KCNH7: variants seen among roughly 807,000 people sequenced by gnomAD.
The protein encoded by KCNH7 is potassium voltage-gated channel subfamily H member 7.
Under a neutral mutation model 120.8 loss-of-function variants are expected in KCNH7, and 49 were observed. The observed-to-expected ratio is 0.41, with a 90% CI of 0.32 to 0.51. KCNH7 has a LOEUF of 0.51. KCNH7 is among the 20% of genes least tolerant of loss of function. The pLI, the probability that KCNH7 is intolerant of heterozygous loss-of-function variation, is 0.38. For missense variants in KCNH7, 1,097 were observed against 1,446.6 expected, an observed-to-expected ratio of 0.76 and a Z score of 3.92; for synonymous variants, 547 against 516.1, an observed-to-expected ratio of 1.06 and a Z score of -0.81.
intron 2 of KCNH7, among the ~76,000 whole-genome samples, chr2:162,752,560 C>T (rs1401618408): frequency 6.6e-6 from 1 of 151,924 alleles, no homozygotes; most frequent in Admixed American, 6.6e-5. Flanking sequence ...GCTTGAAAGC[C>T]TTCACCAGAA....
At chr2:162,738,981 T>C (rs1302418259) in intron 2 of KCNH7, among the ~76,000 whole-genome samples, 1 of 152,132 alleles carries the variant, frequency 6.6e-6, no homozygotes, top group Non-Finnish European at 1.5e-5. Context: ...GGATCCCCAC[T>C]CTGACACACC....
intron 2 of KCNH7, among the ~76,000 whole-genome samples, chr2:162,816,853 AT>A (rs749276255): frequency 6.6e-6 from 1 of 152,108 alleles, no homozygotes. Context: ...AATGTTGAAA[AT>A]TTTTTTTAAA....
intron 7 of KCNH7, among the ~76,000 whole-genome samples, chr2:162,442,400 T>C (rs1688452559): frequency 6.6e-6 from 1 of 152,112 alleles, no homozygotes; most frequent in Non-Finnish European, 1.5e-5. Flanking sequence ...GTTACATAGA[T>C]TACATAATAT....
At chr2:162,622,783 G>C (rs1339880237) in intron 2 of KCNH7, among the ~76,000 whole-genome samples, 1 of 152,090 alleles carries the variant, frequency 6.6e-6, no homozygotes, top group Non-Finnish European at 1.5e-5. Flanking sequence ...AATGTCCGAA[G>C]AATAAAAAAC....
intron 3 of KCNH7, among the ~76,000 whole-genome samples, chr2:162,526,151 G>A (rs557605464): frequency 6.6e-6 from 1 of 151,872 alleles, no homozygotes; most frequent in African/African-American, 2.4e-5. Flanking sequence ...AAACCAGCAA[G>A]TTTTTATTAG....
chr2:162,561,463 G>A (rs755268407), intron 2 of KCNH7, among the ~76,000 whole-genome samples: 5 of 152,102 alleles, frequency 3.3e-5, no homozygotes, highest in African/African-American at 9.7e-5. Flanking sequence ...TTGAGGAATC[G>A]CCACACTGTC....
chr2:162,687,130 T>C (rs1685920900), intron 2 of KCNH7, among the ~76,000 whole-genome samples: 3 of 152,054 alleles, frequency 2.0e-5, no homozygotes, highest in African/African-American at 7.2e-5. Context: ...GCCTTGACAT[T>C]GATTTTGCTT....
rs559518155 is a variant in KCNH7 at position 162,687,007 on chromosome 2, C to G, written c.307+149530G>C. Among the ~76,000 whole-genome samples the G allele has an allele frequency of 7.9e-4, 121 of 152,226 alleles. 1 individual carries two copies. The highest frequency in any genetic ancestry group is 3.4e-3 in the Middle Eastern group (1 of 294). On this transcript the variant is annotated intron_variant, in intron 2 of 15. Coordinates refer to ENST00000332142, the MANE Select transcript of KCNH7 (RefSeq NM_033272.4). ...GCTAACAGTCCCCAGGATTCCCTCT[C>G]TAGATTTGTAAAGGGCATCATAAGC...
At chr2:162,688,274 C>T (rs148032366) in intron 2 of KCNH7, among the ~76,000 whole-genome samples, 46 of 152,230 alleles carry the variant, frequency 3.0e-4, no homozygotes, top group Non-Finnish European at 4.4e-5. Context: ...ATATTTATTC[C>T]TGAACATATG....
intron 6 of KCNH7, among the ~76,000 whole-genome samples, chr2:162,469,755 G>C (rs150940620): frequency 6.7e-6 from 1 of 148,680 alleles, no homozygotes. Context: ...CTCTGATGCC[G>C]AGCTGAAGCT....
At chr2:162,639,872 A>G (rs1684087980) in intron 2 of KCNH7, among the ~76,000 whole-genome samples, 1 of 152,130 alleles carries the variant, frequency 6.6e-6, no homozygotes, top group Non-Finnish European at 1.5e-5. Flanking sequence ...TGAGTTCAGT[A>G]AGGGCACAGG....
intron 2 of KCNH7, among the ~76,000 whole-genome samples, chr2:162,798,895 T>C (rs910879786): frequency 2.0e-5 from 3 of 151,932 alleles, no homozygotes; most frequent in Admixed American, 2.0e-4. Flanking sequence ...ATAAGGGAGA[T>C]AGACAATAAA....
At chr2:162,600,737 A>G (rs1694524348) in intron 2 of KCNH7, among the ~76,000 whole-genome samples, 1 of 152,152 alleles carries the variant, frequency 6.6e-6, no homozygotes, top group South Asian at 2.1e-4. Context: ...TTTCAGGGTT[A>G]CAGGCTGTGT....
intron 2 of KCNH7, among the ~76,000 whole-genome samples, chr2:162,808,757 A>G (rs1478554883): frequency 6.6e-6 from 1 of 151,744 alleles, no homozygotes; most frequent in Non-Finnish European, 1.5e-5. Context: ...ACATATAATA[A>G]AAGAATACTA....
chr2:162,545,583 A>G (rs924672699), intron 2 of KCNH7, among the ~76,000 whole-genome samples: 1 of 152,176 alleles, frequency 6.6e-6, no homozygotes, highest in Non-Finnish European at 1.5e-5. Context: ...AGATCTCAGG[A>G]ATCTAGTTAA....
intron 6 of KCNH7, among the ~76,000 whole-genome samples, chr2:162,494,629 ATTTC>A (rs1690433503): frequency 6.6e-6 from 1 of 152,140 alleles, no homozygotes; most frequent in South Asian, 2.1e-4. Flanking sequence ...AAATAACCAA[ATTTC>A]TTTGTCAATC....
chr2:162,371,438 A>G lies in KCNH7; in HGVS notation c.*391T>C, dbSNP rs973083594. On this transcript the variant is annotated 3_prime_UTR_variant, in exon 16 of 16. Coordinates refer to ENST00000332142, the MANE Select transcript of KCNH7 (RefSeq NM_033272.4). ...TGAGGATCATCTGAATTTGAGTTGC[A>G]TCCATGAACAGTTTTATCCCTTGGT... 7.8e-7 allele frequency: 1 copy of G among 1,287,594 alleles called. No homozygotes were observed. Among genetic ancestry groups the G allele is most frequent in the African/African-American group, 1.5e-5 (1 of 65,674 alleles). 79.8% of individuals were successfully genotyped at this position (1,287,594 alleles called of 1,614,324 possible). A position where few individuals can be genotyped will look rare whatever the true frequency, so the allele number is the denominator to read the frequency against.
intron 2 of KCNH7, among the ~76,000 whole-genome samples, chr2:162,573,470 C>G (rs761291497): frequency 1.3e-5 from 2 of 151,938 alleles, no homozygotes; most frequent in African/African-American, 2.4e-5. Context: ...AAGATTTAAG[C>G]TGACATACCT....
rs137918278 is a variant in KCNH7, at chr2:162,763,266, T to G, written c.307+73271A>C. On this transcript the variant is annotated intron_variant, in intron 2 of 15. Coordinates refer to ENST00000332142, the MANE Select transcript of KCNH7 (RefSeq NM_033272.4). ...ACTCAGTAAACACTACAAATATTATTGAAACATTTTTAAAATCATTCAATT... is the reference window on the plus strand; with the variant it reads ...ACTCAGTAAACACTACAAATATTATGGAAACATTTTTAAAATCATTCAATT... Among the ~76,000 whole-genome samples, 109 of 152,276 alleles carry G rather than the reference T, an allele frequency of 7.2e-4. 3 individuals are homozygous for G. The East Asian group carries it at 0.019, about 27-fold the overall frequency.
Sources: gnomAD v4.1 joint callset for allele counts (sites outside exome capture counted in the v4.1 genomes callset) on GRCh38, gnomAD v4.1.1 for gene constraint, MANE v1.5 for transcripts, NCBI Gene and HGNC (gene_info 2026-07-23, HGNC 2026-07-21) for gene names.